SLC28A1: variants seen among roughly 807,000 people sequenced by gnomAD.
The protein encoded by SLC28A1 is solute carrier family 28 member 1, also known as sodium/nucleoside cotransporter 1.
A neutral mutation model predicts 74.8 loss-of-function variants in SLC28A1; 64 were observed. The ratio of observed to expected loss-of-function variants is 0.86; its 90% CI spans 0.70 to 1.05. SLC28A1 has a LOEUF of 1.05. Among genes scored for constraint, SLC28A1 ranks in the 50% least tolerant of loss-of-function variants. The pLI is 0.00. For missense variants in SLC28A1, 828 were observed against 822.8 expected, an observed-to-expected ratio of 1.01 and a Z score of -0.08; for synonymous variants, 359 against 335.0, an observed-to-expected ratio of 1.07 and a Z score of -0.78.
intron 12 of SLC28A1, among the ~76,000 whole-genome samples, chr15:84,928,580 T>TTCTCTC (rs1567172280): frequency 5.2e-5 from 1 of 19,074 alleles, no homozygotes; most frequent in Admixed American, 4.4e-4. Flanking sequence ...CTTTCTTTCT[T>TTCTCTC]TCTTTCTTTC....
Position 84,935,510 on chromosome 15 carries a change from T to C in SLC28A1, c.1573T>C (p.Trp525Arg), listed in dbSNP as rs780895333. 6.2e-7 allele frequency: 1 copy of C among 1,612,924 alleles called. No individual in the cohort carries two copies. Among genetic ancestry groups the C allele is most frequent in the Non-Finnish European group, 8.5e-7 (1 of 1,179,754 alleles). Reference protein sequence around the residue: ...AEEWVGDRKQWISVRAEVLTT... With the variant: ...AEEWVGDRKQRISVRAEVLTT... Reference sequence around the variant, plus strand: ...GGAGTGGGTCGGCGACAGGAAGCAGTGGATCTCCGTGAGTGTCCCAGTCCC... The same window carrying C: ...GGAGTGGGTCGGCGACAGGAAGCAGCGGATCTCCGTGAGTGTCCCAGTCCC... The change falls in exon 15 of 19, where the codon TGG (tryptophan) becomes CGG (arginine). Residue 525 changes from tryptophan (W) to arginine (R), a missense_variant. Physicochemically the swap from Trp to Arg is moderately radical, Grantham distance 101. This residue lies in a region of SLC28A1 where 767 missense variants were observed against 753.5 expected (regional missense o/e 1.02). Coordinates refer to ENST00000394573, the MANE Select transcript of SLC28A1 (RefSeq NM_004213.5).
At chr15:84,950,090 C>T (rs1164436432), downstream of SLC28A1, among the ~76,000 whole-genome samples, 3 of 152,090 alleles carry the variant, frequency 2.0e-5, no homozygotes, top group African/African-American at 4.8e-5. Context: ...CACAGCCAGG[C>T]GATTGTCCCA....
chr15:84,905,767 G>T, intron 8 of SLC28A1, 115 bp downstream of exon 8: 1 of 827,692 alleles, frequency 1.2e-6, no homozygotes, highest in Non-Finnish European at 2.0e-6. Context: ...TTGGGACCTG[G>T]AGGGTGGGGT....
At chr15:84,897,205 T>C (rs1201933110) in intron 6 of SLC28A1, among the ~76,000 whole-genome samples, 1 of 142,762 alleles carries the variant, frequency 7.0e-6, no homozygotes, top group East Asian at 2.0e-4. Context: ...TGAAACCCTG[T>C]CTCTACTAAA....
chr15:84,917,033 A>AT (rs1596300657), intron 9 of SLC28A1, among the ~76,000 whole-genome samples: 1 of 143,188 alleles, frequency 7.0e-6, no homozygotes, highest in African/African-American at 2.5e-5. Context: ...GTCTCAAAAA[A>AT]AAAAAAATAA....
At position 84,895,053 on chromosome 15, in the gene SLC28A1, CT is replaced by C; in HGVS notation, c.393del (p.Leu132TrpfsTer5). ...CCTGGGCCACCGCCTGCTGAAACGG[CT>C]TCTGGGGCCAAAGCTGAGGAGGTTT... ...TFLGHRLLKR[L>X]LGPKLRRFLK... On this transcript the variant is annotated frameshift_variant, in exon 6 of 19. Coordinates refer to ENST00000394573, the MANE Select transcript of SLC28A1 (RefSeq NM_004213.5). LOFTEE classifies it high-confidence loss of function. 1 of 1,611,152 alleles carries C rather than the reference CT, an allele frequency of 6.2e-7. No individual in the cohort carries two copies.
intron 11 of SLC28A1, among the ~76,000 whole-genome samples, chr15:84,922,677 T>C (rs942601984): frequency 6.6e-6 from 1 of 152,060 alleles, no homozygotes; most frequent in Non-Finnish European, 1.5e-5. Flanking sequence ...AGCGTGCCCC[T>C]CACCGTGGCT....
intron 5 of SLC28A1, 101 bp downstream of exon 5, chr15:84,890,635 G>T (rs1309025970): frequency 2.0e-6 from 2 of 986,874 alleles, no homozygotes; most frequent in Non-Finnish European, 3.1e-6. Flanking sequence ...TTCAACAAAT[G>T]GTTGTTGAGC....
the SLC28A1 span, among the ~76,000 whole-genome samples, chr15:84,967,681 A>G: frequency 6.6e-6 from 1 of 152,202 alleles, no homozygotes; most frequent in African/African-American, 2.4e-5. Flanking sequence ...TTGCTGCTAC[A>G]GGGACCTCTC....
At chr15:84,974,383 G>A in the SLC28A1 span, among the ~76,000 whole-genome samples, 68 of 152,324 alleles carry the variant, frequency 4.5e-4, no homozygotes, top group Non-Finnish European at 8.5e-4. Flanking sequence ...TTTGGTGTCA[G>A]GCAGGCCACG....
intron 8 of SLC28A1, 126 bp downstream of exon 8, chr15:84,905,778 G>A: frequency 1.3e-6 from 1 of 785,424 alleles, no homozygotes; most frequent in Non-Finnish European, 2.2e-6. Flanking sequence ...AGGGTGGGGT[G>A]GACTGGGGCC....
In SLC28A1 at chr15:84,895,672, C is replaced by T. The variant is rs1443111185; in HGVS notation, c.461+549C>T. On this transcript the variant is annotated intron_variant, in intron 6 of 18. Transcript: ENST00000394573. ...GGTTGTGGAGGGAAAATTCAGACTTCCCGCCCAGCCCACCATTTCACCAGG... is the reference window on the plus strand; with the variant it reads ...GGTTGTGGAGGGAAAATTCAGACTTTCCGCCCAGCCCACCATTTCACCAGG... The T allele has an allele frequency of 8.5e-6, 12 of 1,411,694 alleles. 1 individual carries two copies. The Admixed American group carries it at 1.7e-4, about 20-fold the overall frequency. 87.4% of individuals were successfully genotyped at this position (1,411,694 alleles called of 1,614,324 possible). A position where few individuals can be genotyped will look rare whatever the true frequency, so the allele number is the denominator to read the frequency against.
chr15:84,906,556 CTTTCTTTCTCTTT>C (rs1967211114), intron 8 of SLC28A1, among the ~76,000 whole-genome samples: 2 of 89,154 alleles, frequency 2.2e-5, no homozygotes, highest in African/African-American at 8.2e-5. Context: ...TTCTTTCTTT[CTTTCTTTCTCTTT>C]CTTTCTTCCT....
intron 8 of SLC28A1, 124 bp from the exon 9 acceptor site, chr15:84,908,594 C>CCG: frequency 1.3e-6 from 1 of 779,214 alleles, no homozygotes; most frequent in Non-Finnish European, 2.2e-6. Context: ...GGTGCCCCCC[C>CCG]CCGGATAAGG....
At chr15:84,908,066 C>T (rs1216880602) in intron 8 of SLC28A1, among the ~76,000 whole-genome samples, 6 of 151,970 alleles carry the variant, frequency 3.9e-5, no homozygotes, top group Non-Finnish European at 7.4e-5. Flanking sequence ...GAGACTTTGC[C>T]GTTGGTTGTC....
intron 8 of SLC28A1, among the ~76,000 whole-genome samples, chr15:84,908,178 C>CT (rs71135328): frequency 0.5 from 44,457 of 88,868 alleles, 12,912 homozygotes; most frequent in East Asian, 0.71. Flanking sequence ...CAGAGCATTT[C>CT]TTTTTTTTTT....
At chr15:84,955,161 A>T in the SLC28A1 span, among the ~76,000 whole-genome samples, 1 of 152,154 alleles carries the variant, frequency 6.6e-6, no homozygotes, top group African/African-American at 2.4e-5. Flanking sequence ...CGAGCGAAAA[A>T]GCCTCTGGGT....
At chr15:84,969,721 G>C in the SLC28A1 span, among the ~76,000 whole-genome samples, 2 of 152,260 alleles carry the variant, frequency 1.3e-5, no homozygotes, top group East Asian at 3.9e-4. Flanking sequence ...GCATTTCTTA[G>C]AAACAATAAC....
chr15:84,926,529 C>T (rs1319139235), intron 12 of SLC28A1: 1 of 455,346 alleles, frequency 2.2e-6, no homozygotes, highest in South Asian at 1.6e-5. Flanking sequence ...TATTCTTTCC[C>T]TTTGATCCAG....
Sources: allele counts gnomAD v4.1 joint callset (sites outside exome capture counted in the v4.1 genomes callset), GRCh38; gene constraint gnomAD v4.1.1; regional missense constraint gnomAD v4.1.1; transcripts MANE v1.5; gene names NCBI Gene and HGNC (gene_info 2026-07-23, HGNC 2026-07-21).